The following TUBB6 variants were observed in gnomAD, a reference collection of about 807,000 sequenced individuals.
TUBB6 encodes tubulin beta-6 chain.
TUBB6 carries 18 observed loss-of-function variants against 32.3 expected under a neutral mutation model. The ratio of observed to expected loss-of-function variants is 0.56; its 90% CI spans 0.39 to 0.83. The LOEUF (loss-of-function observed/expected upper bound fraction) is 0.83. TUBB6 is among the 40% of genes least tolerant of loss of function. The pLI, the probability that TUBB6 is intolerant of heterozygous loss-of-function variation, is 0.00. For synonymous variants in TUBB6, 280 were observed against 265.8 expected (o/e 1.05, Z -0.52); for missense variants, 480 against 632.0 (o/e 0.76, Z 2.58).
chr18:12,309,189 C>G (rs1038099374), intron 2 of TUBB6, among the ~76,000 whole-genome samples: 1 of 147,480 alleles, frequency 6.8e-6, no homozygotes, highest in Non-Finnish European at 1.5e-5. Flanking sequence ...CCCCCGCCCC[C>G]CTCCCGCCCC....
At position 12,315,021 on chromosome 18, in the gene TUBB6, TA is replaced by T. The variant is rs1293961941; in HGVS notation, c.277+3977del. Among the ~76,000 whole-genome samples the T allele has an allele frequency of 2.8e-4, 43 of 151,810 alleles. No individual in the cohort carries two copies. The South Asian group carries it at 8.1e-3, about 29-fold the overall frequency. ...ACTCTTAAAAGTTTAAAACTAGAGT[TA>T]AAAAAAAATTCTGTATGTTCATCAT... On this transcript the variant is annotated intron_variant, in intron 3 of 3. Coordinates refer to ENST00000317702, the MANE Select transcript of TUBB6 (RefSeq NM_032525.3).
rs1246539779 is a variant in TUBB6 at position 12,325,771 on chromosome 18, G to A, written c.982G>A (p.Glu328Lys). ...RGPMSMKEVD[E>K]QMLAIQSKNS... ...GCCCATGTCCATGAAGGAGGTGGAC[G>A]AGCAGATGCTGGCCATCCAGAGTAA... The change falls in exon 4 of 4, where the codon GAG becomes AAG. Residue 328 changes from glutamate (E) to lysine (K), a missense_variant. Coordinates refer to ENST00000317702, the MANE Select transcript of TUBB6 (RefSeq NM_032525.3). The A allele has an allele frequency of 2.5e-6, 4 of 1,614,234 alleles. No individual in the cohort carries two copies. The highest frequency in any genetic ancestry group is 2.2e-5 in the South Asian group (2 of 91,090).
At chr18:12,318,226 G>A (rs1400494219) in intron 3 of TUBB6, among the ~76,000 whole-genome samples, 1 of 151,706 alleles carries the variant, frequency 6.6e-6, no homozygotes, top group African/African-American at 2.4e-5. Context: ...CAATACCTAT[G>A]TTGTAGTTTT....
At chr18:12,321,355 C>T (rs1906978745) in intron 3 of TUBB6, among the ~76,000 whole-genome samples, 1 of 152,168 alleles carries the variant, frequency 6.6e-6, no homozygotes, top group African/African-American at 2.4e-5. Context: ...AAGAGTAGAG[C>T]CACTGTGTAA....
intron 3 of TUBB6, among the ~76,000 whole-genome samples, chr18:12,316,767 A>AT (rs1479324538): frequency 1.3e-5 from 2 of 152,360 alleles, no homozygotes; most frequent in Non-Finnish European, 1.5e-5. Context: ...CACTGGCTTT[A>AT]TACCATATTG....
At chr18:12,308,176 G>C, upstream of TUBB6, 1 of 637,594 alleles carries the variant, frequency 1.6e-6, no homozygotes, top group South Asian at 6.8e-5. Context: ...CGCAGCCATT[G>C]GCGAGCGGCG....
In TUBB6 at chr18:12,325,110, G is replaced by A. The variant is rs747464135; in HGVS notation, c.321G>A (p.Thr107=). The part of the protein sequence containing the change: ...AGNNWAKGHY[T]EGAELVDAVL... ...ACAACTGGGCGAAAGGGCACTACACGGAGGGCGCGGAGCTGGTGGACGCAG... is the reference window on the plus strand; with the variant it reads ...ACAACTGGGCGAAAGGGCACTACACAGAGGGCGCGGAGCTGGTGGACGCAG... The change falls in exon 4 of 4, where the codon ACG becomes ACA. Residue 107 remains threonine, a synonymous_variant. Transcript: ENST00000317702. The A allele has an allele frequency of 1.2e-5, 19 of 1,595,244 alleles. No individual in the cohort carries two copies. In the East Asian group the frequency reaches 1.6e-4, roughly 13 times the overall value.
chr18:12,310,850 C>T (rs1476542247), intron 2 of TUBB6, 93 bp from the exon 3 acceptor site: 5 of 794,762 alleles, frequency 6.3e-6, no homozygotes, highest in Non-Finnish European at 1.0e-5. Flanking sequence ...TGATCCATTC[C>T]AGGCAGCTAG....
In TUBB6 at chr18:12,308,334, C is replaced by T. The variant is rs1483612850; in HGVS notation, c.42C>T (p.Asn14=). The change falls in exon 1 of 4, where the codon AAC becomes AAT. Residue 14 remains asparagine, a synonymous_variant. Coordinates refer to ENST00000317702, the MANE Select transcript of TUBB6 (RefSeq NM_032525.3). ...ACATCCAGGCGGGCCAGTGCGGGAA[C>T]CAGATCGGCACCAAGGTGGGCCTGG... ...IVHIQAGQCG[N]QIGTKFWEVI... is the part of the protein sequence containing the mutation. 15 of 1,481,228 alleles carry T rather than the reference C, an allele frequency of 1.0e-5. No individual in the cohort carries two copies. The South Asian group carries it at 1.4e-4, about 14-fold the overall frequency. 91.8% of individuals were successfully genotyped at this position (1,481,228 alleles called of 1,614,324 possible).
intron 3 of TUBB6, among the ~76,000 whole-genome samples, chr18:12,317,165 A>G (rs1271573925): frequency 1.3e-5 from 2 of 151,970 alleles, no homozygotes; most frequent in East Asian, 1.9e-4. Flanking sequence ...AAAAAAAAAA[A>G]AAAAAGAAAA....
intron 3 of TUBB6, among the ~76,000 whole-genome samples, chr18:12,313,904 G>A (rs1189212979): frequency 6.6e-6 from 1 of 152,190 alleles, no homozygotes. Flanking sequence ...CTTGCCCAGT[G>A]TCATCCTTGT....
chr18:12,308,857 C>G, intron 2 of TUBB6, 62 bp downstream of exon 2: 1 of 1,129,788 alleles, frequency 8.9e-7, no homozygotes, highest in Non-Finnish European at 1.3e-6. Context: ...CCGGCGCCGC[C>G]TCTTAGCGCG....
downstream of TUBB6, among the ~76,000 whole-genome samples, chr18:12,328,137 C>T (rs1041196404): frequency 6.6e-6 from 1 of 152,242 alleles, no homozygotes; most frequent in African/African-American, 2.4e-5. Flanking sequence ...CAAACAGCTG[C>T]TTCCACGGCC....
rs1335097432 is a variant in TUBB6 at position 12,325,367 on chromosome 18, TGGA to T, written c.580_582del (p.Glu194del). 2 of 1,614,136 alleles carry T rather than the reference TGGA, an allele frequency of 1.2e-6. No individual in the cohort carries two copies. The highest frequency in any genetic ancestry group is 2.2e-5 in the South Asian group (2 of 91,078). On this transcript the variant is annotated inframe_deletion, in exon 4 of 4. Transcript: ENST00000317702. ...GCCACACTGTCGGTGCACCAGCTGGTGGAGAATACAGACGAGACCTACTGCATC... is the reference window on the plus strand; with the variant it reads ...GCCACACTGTCGGTGCACCAGCTGGTGAATACAGACGAGACCTACTGCATC...
chr18:12,329,789 A>T (rs1355577220), downstream of TUBB6: 2 of 1,607,348 alleles, frequency 1.2e-6, no homozygotes, highest in East Asian at 4.5e-5. Flanking sequence ...GCAACCTGAA[A>T]TATGAACAAT....
rs551873572 is a variant in TUBB6 at position 12,324,312 on chromosome 18, A to G, written c.278-755A>G. On this transcript the variant is annotated intron_variant, in intron 3 of 3. Transcript: ENST00000317702. ...GTGAACCCAGGAGGCGGAGCTTGCA[A>G]TGAGCCGAGATTGCGCCACTGCACT... is the stretch of plus-strand genomic sequence containing the variant. 5.3e-5 allele frequency among the ~76,000 whole-genome samples: 8 copies of G among 152,010 alleles called. No individual in the cohort carries two copies. In the East Asian group the frequency reaches 5.9e-4, roughly 11 times the overall value.
intron 3 of TUBB6, among the ~76,000 whole-genome samples, chr18:12,319,397 G>A (rs1340792768): frequency 6.6e-6 from 1 of 151,792 alleles, no homozygotes. Flanking sequence ...CTCCTGTCTC[G>A]GCCTCCCAAA....
chr18:12,327,674 T>G (rs1907382651), downstream of TUBB6, among the ~76,000 whole-genome samples: 1 of 152,208 alleles, frequency 6.6e-6, no homozygotes, highest in South Asian at 2.1e-4. Flanking sequence ...GGAGCCACGG[T>G]TGCTCCTAGC....
intron 3 of TUBB6, among the ~76,000 whole-genome samples, chr18:12,312,039 G>C (rs1404751882): frequency 6.6e-6 from 1 of 152,154 alleles, no homozygotes; most frequent in Non-Finnish European, 1.5e-5. Flanking sequence ...AAGCACTATG[G>C]TGTAGGAATC....
Sources: allele counts gnomAD v4.1 joint callset (sites outside exome capture counted in the v4.1 genomes callset), GRCh38; gene constraint gnomAD v4.1.1; transcripts MANE v1.5; gene names NCBI Gene and HGNC (gene_info 2026-07-23, HGNC 2026-07-21).